ZNF106: variants seen among roughly 807,000 people sequenced by gnomAD.
The protein encoded by ZNF106 is zinc finger protein 106.
In ZNF106, 67 loss-of-function variants were observed where a neutral mutation model predicts 195.1. The observed-to-expected ratio is 0.34, with a 90% CI of 0.28 to 0.42. ZNF106 has a LOEUF of 0.42. Ranked by LOEUF, ZNF106 falls within the 10% of genes least tolerant of loss-of-function variation. The pLI, the probability that ZNF106 is intolerant of heterozygous loss-of-function variation, is 1.00. For synonymous variants in ZNF106, 784 were observed against 818.6 expected (o/e 0.96, Z 0.72); for missense variants, 2,118 against 2,304.5 (o/e 0.92, Z 1.66).
At chr15:42,423,918 T>G (rs922909824) in intron 17 of ZNF106, 80 bp downstream of exon 17, 6 of 1,349,306 alleles carry the variant, frequency 4.4e-6, no homozygotes, top group African/African-American at 4.4e-5. Context: ...TAATTTAAAT[T>G]GCAAGAGGTT....
intron 4 of ZNF106, among the ~76,000 whole-genome samples, chr15:42,456,018 A>G (rs2056214651): frequency 6.6e-6 from 1 of 152,248 alleles, no homozygotes; most frequent in African/African-American, 2.4e-5. Flanking sequence ...GTATGAAATT[A>G]TGCAGTACAA....
chr15:42,450,754 A>G lies in ZNF106; in HGVS notation c.1518T>C (p.Pro506=). 1.2e-6 allele frequency: 2 copies of G among 1,614,218 alleles called. No individual in the cohort carries two copies. The highest frequency in any genetic ancestry group is 1.7e-6 in the Non-Finnish European group (2 of 1,180,040). ...TGTTCGAGGGATTTGAGTGTTCTCCAGGGGAAAAAAAATTTGTTTTGGTGT... is the reference window on the plus strand; with the variant it reads ...TGTTCGAGGGATTTGAGTGTTCTCCGGGGGAAAAAAAATTTGTTTTGGTGT... The part of the protein sequence containing the change: ...SKNTKTNFFS[P]GEHSNPSNKP... The change falls in exon 5 of 22, where the codon CCT becomes CCC. Residue 506 remains proline (P), a synonymous_variant. Coordinates refer to ENST00000564754, the MANE Select transcript of ZNF106 (RefSeq NM_001366845.3).
chr15:42,480,941 C>T (rs553891342), intron 1 of ZNF106, among the ~76,000 whole-genome samples: 10 of 152,132 alleles, frequency 6.6e-5, no homozygotes, highest in South Asian at 2.1e-4. Context: ...ACAGAGATAG[C>T]GCCACTGCAC....
chr15:42,468,386 T>C (rs2056581356), intron 2 of ZNF106, among the ~76,000 whole-genome samples: 1 of 151,274 alleles, frequency 6.6e-6, no homozygotes, highest in African/African-American at 2.4e-5. Flanking sequence ...CCAAAACACT[T>C]CTTTTAAATG....
chr15:42,425,755 C>G (rs577128274), intron 15 of ZNF106: 3 of 152,142 alleles, frequency 2.0e-5, no homozygotes. Flanking sequence ...CCTGCCTCAG[C>G]CTCCCATTAC....
rs1222930573 is a variant in ZNF106 at position 42,417,946 on chromosome 15, A to T, written c.5523T>A (p.His1841Gln). 6.2e-7 allele frequency: 1 copy of T among 1,612,954 alleles called. No homozygotes were observed. Among genetic ancestry groups the T allele is most frequent in the African/African-American group, 1.3e-5 (1 of 74,836 alleles). ...NLMQNYRCWW[H>Q]GCSLIFGVVD... Reference sequence around the variant, plus strand: ...CAACGCCAAATATCAGAGAGCAACCATGCCACTGGAGAGAAAGAAAATGAG... The same window carrying T: ...CAACGCCAAATATCAGAGAGCAACCTTGCCACTGGAGAGAAAGAAAATGAG... Residue 1841 changes from histidine (H) to glutamine (Q), a missense_variant, in exon 21 of 22, where the codon CAT (histidine) becomes CAA (glutamine). His to Gln is a conservative substitution (Grantham distance 24). Coordinates refer to ENST00000564754, the MANE Select transcript of ZNF106 (RefSeq NM_001366845.3).
chr15:42,425,998 GT>G (rs747715228), intron 15 of ZNF106, among the ~76,000 whole-genome samples: 2 of 152,226 alleles, frequency 1.3e-5, no homozygotes, highest in South Asian at 2.1e-4. Context: ...TTCCACAGAA[GT>G]TTTTTAGGTG....
At chr15:42,474,227 C>G (rs761453440) in intron 1 of ZNF106, among the ~76,000 whole-genome samples, 1 of 152,220 alleles carries the variant, frequency 6.6e-6, no homozygotes, top group Non-Finnish European at 1.5e-5. Flanking sequence ...ACATCTGGAA[C>G]ATTATCTTTT....
chr15:42,441,199 C>T (rs1025531287), intron 10 of ZNF106, among the ~76,000 whole-genome samples: 4 of 146,430 alleles, frequency 2.7e-5, no homozygotes, highest in Admixed American at 1.4e-4. Flanking sequence ...AAAAATTAGC[C>T]GGGCATGGTG....
intron 6 of ZNF106, among the ~76,000 whole-genome samples, chr15:42,447,504 G>A (rs547917537): frequency 2.6e-5 from 4 of 152,310 alleles, no homozygotes; most frequent in South Asian, 4.1e-4. Context: ...ATTAGCGGCA[G>A]AAATGCCGGA....
intron 1 of ZNF106, among the ~76,000 whole-genome samples, chr15:42,472,708 C>T (rs923170439): frequency 6.6e-6 from 1 of 152,090 alleles, no homozygotes; most frequent in African/African-American, 2.4e-5. Flanking sequence ...GAATAAGATT[C>T]TTTTAAAGTT....
chr15:42,440,979 T>A (rs1221081287), intron 10 of ZNF106, among the ~76,000 whole-genome samples: 2 of 70,174 alleles, frequency 2.9e-5, no homozygotes, highest in African/African-American at 7.3e-5. Context: ...AGCGAAACTC[T>A]GTCTAAAAAA....
At chr15:42,479,838 T>C (rs2056863645) in intron 1 of ZNF106, among the ~76,000 whole-genome samples, 1 of 151,958 alleles carries the variant, frequency 6.6e-6, no homozygotes, top group Admixed American at 6.6e-5. Context: ...CAAAACTCCG[T>C]CTCAATAAAT....
In ZNF106 at chr15:42,448,472, T is replaced by C. The variant is rs754025394; in HGVS notation, c.2735A>G (p.Gln912Arg). 6.2e-7 allele frequency: 1 copy of C among 1,614,172 alleles called. No homozygotes were observed. Among genetic ancestry groups the C allele is most frequent in the East Asian group, 2.2e-5 (1 of 44,882 alleles). The part of the protein sequence containing the change: ...EEGTGKENEP[Q>R]QMVSPSNSLR... ...TGAGTTACTAGGTGAAACCATCTGC[T>C]GGGGCTCATTTTCTTTGCCTGTACC... The change falls in exon 6 of 22, where the codon CAG becomes CGG. Residue 912 changes from glutamine (Q) to arginine (R), a missense_variant. Transcript: ENST00000564754.
intron 9 of ZNF106, among the ~76,000 whole-genome samples, chr15:42,443,323 C>T (rs1446073993): frequency 6.6e-6 from 1 of 152,070 alleles, no homozygotes; most frequent in African/African-American, 2.4e-5. Flanking sequence ...GCACAGTTTA[C>T]AGACCTTTCT....
chr15:42,427,823 A>G (rs543672772), intron 15 of ZNF106, 195 bp downstream of exon 15: 1 of 436,214 alleles, frequency 2.3e-6, no homozygotes, highest in East Asian at 3.5e-5. Flanking sequence ...GTCCTGGAAC[A>G]TTTGAGTAGA....
At chr15:42,453,899 C>A (rs569282725) in intron 4 of ZNF106, among the ~76,000 whole-genome samples, 2 of 152,114 alleles carry the variant, frequency 1.3e-5, no homozygotes, top group Admixed American at 6.5e-5. Flanking sequence ...ATTATTCCTA[C>A]TTTATAGATG....
At chr15:42,475,215 G>A (rs181224009) in intron 1 of ZNF106, among the ~76,000 whole-genome samples, 14 of 152,312 alleles carry the variant, frequency 9.2e-5, no homozygotes, top group African/African-American at 3.1e-4. Flanking sequence ...CACTTTGGGA[G>A]GCCGAGGTGG....
At chr15:42,430,666 T>G (rs896429242) in intron 14 of ZNF106, among the ~76,000 whole-genome samples, 2 of 152,058 alleles carry the variant, frequency 1.3e-5, no homozygotes, top group African/African-American at 4.8e-5. Flanking sequence ...ATTATAGGCA[T>G]GAACCACTGC....
Sources: gnomAD v4.1 joint callset for allele counts (sites outside exome capture counted in the v4.1 genomes callset) on GRCh38, gnomAD v4.1.1 for gene constraint, MANE v1.5 for transcripts, NCBI Gene and HGNC (gene_info 2026-07-23, HGNC 2026-07-21) for gene names.